The following LRCH3 variants were observed in gnomAD, a reference collection of about 807,000 sequenced individuals.
LRCH3 encodes leucine rich repeats and calponin homology domain containing 3.
In LRCH3, 68 loss-of-function variants were observed where a neutral mutation model predicts 104.5. That is an observed-to-expected ratio of 0.65 (90% CI 0.54 to 0.80). The LOEUF (loss-of-function observed/expected upper bound fraction) is 0.80, where lower values mean the gene tolerates loss of function less well. Among genes scored for constraint, LRCH3 ranks in the 30% least tolerant of loss-of-function variants. LRCH3 has a pLI of 0.00. For missense variants in LRCH3, 951 were observed against 953.9 expected (o/e 1.00, Z 0.04); for synonymous variants, 344 against 361.3 (o/e 0.95, Z 0.54).
chr3:197,855,660 A>G (rs1377908107), intron 14 of LRCH3, among the ~76,000 whole-genome samples: 1 of 152,242 alleles, frequency 6.6e-6, no homozygotes. Context: ...AATAAGTGGT[A>G]TAAGTCTGAG....
chr3:197,796,857 A>G (rs1254574279), intron 1 of LRCH3, among the ~76,000 whole-genome samples: 1 of 152,192 alleles, frequency 6.6e-6, no homozygotes, highest in Non-Finnish European at 1.5e-5. Flanking sequence ...GGTTTGCCCA[A>G]TATCTTTGAA....
chr3:197,865,179 G>A (rs1345251287), intron 15 of LRCH3, among the ~76,000 whole-genome samples: 1 of 152,122 alleles, frequency 6.6e-6, no homozygotes, highest in African/African-American at 2.4e-5. Context: ...TGTAGAGACA[G>A]GGTCTCACTA....
At chr3:197,799,816 T>C (rs373397592) in intron 1 of LRCH3, among the ~76,000 whole-genome samples, 2 of 149,634 alleles carry the variant, frequency 1.3e-5, no homozygotes, top group Non-Finnish European at 1.5e-5. Flanking sequence ...GAAGTTGCAG[T>C]GAGCCGAGAT....
Position 197,817,329 on chromosome 3 carries a change from CAT to C in LRCH3, c.534+28_534+29del, listed in dbSNP as rs779678253. 7.6e-5 allele frequency: 99 copies of C among 1,295,994 alleles called. 6 individuals carry two copies. Among genetic ancestry groups the C allele is most frequent in the African/African-American group, 6.2e-4 (35 of 56,596 alleles). 80.3% of individuals were successfully genotyped at this position (1,295,994 alleles called of 1,614,324 possible). ...TAAGTTAATATTTTTGATTGTCCAA[CAT>C]GTGTGTGTGTGTGTCTGTGTGTGTG... On this transcript the variant is annotated intron_variant, in intron 3 of 20. Coordinates refer to ENST00000425562, the MANE Select transcript of LRCH3 (RefSeq NM_001365715.1).
rs986250764 is a variant in LRCH3, at chr3:197,884,804, G to C, written c.*1138G>C. On this transcript the variant is annotated 3_prime_UTR_variant, in exon 21 of 21. Coordinates refer to ENST00000425562, the MANE Select transcript of LRCH3 (RefSeq NM_001365715.1). ...TAGTCTTCTTTTTTTTAAGAGTTGG[G>C]GTCTTGCCGTATTGCCCAGGCTGGT... is the stretch of plus-strand genomic sequence containing the variant. 2 of 151,884 alleles carry C rather than the reference G, an allele frequency of 1.3e-5. No individual in the cohort carries two copies. Among genetic ancestry groups the C allele is most frequent in the African/African-American group, 4.8e-5 (2 of 41,330 alleles). The allele number at this position is 151,884 out of a possible 1,614,324, so 9.4% of individuals were successfully genotyped here. A position where few individuals can be genotyped will look rare whatever the true frequency, so the allele number is the denominator to read the frequency against.
intron 15 of LRCH3, 88 bp downstream of exon 15, chr3:197,858,993 CTG>C: frequency 2.2e-6 from 2 of 919,124 alleles, no homozygotes; most frequent in South Asian, 2.6e-5. Flanking sequence ...ATCTAACAAT[CTG>C]AAATATAGGA....
Position 197,808,466 on chromosome 3 carries a change from CT to C in LRCH3, c.263-6440del, listed in dbSNP as rs1280972757. On this transcript the variant is annotated intron_variant, in intron 1 of 20. Coordinates refer to ENST00000425562, the MANE Select transcript of LRCH3 (RefSeq NM_001365715.1). Reference sequence around the variant, plus strand: ...CACCACTTACTTTCTATTTAGAGAACTTCCATTACTCATTCTTTTAGATTAC... The same window carrying C: ...CACCACTTACTTTCTATTTAGAGAACTCCATTACTCATTCTTTTAGATTAC... Among the ~76,000 whole-genome samples, 7 of 152,310 alleles carry C rather than the reference CT, an allele frequency of 4.6e-5. No homozygotes were observed. In the East Asian group the frequency reaches 1.4e-3, roughly 29 times the overall value.
At chr3:197,852,006 A>G (rs1016274893) in intron 12 of LRCH3, among the ~76,000 whole-genome samples, 11 of 152,204 alleles carry the variant, frequency 7.2e-5, no homozygotes, top group African/African-American at 2.7e-4. Flanking sequence ...CTAAATGAAT[A>G]TGATGATGAT....
At position 197,854,921 on chromosome 3, in the gene LRCH3, T is replaced by C. The variant is rs1740052956; in HGVS notation, c.1644+476T>C. Among the ~76,000 whole-genome samples the C allele has an allele frequency of 6.6e-6, 1 of 152,234 alleles. No homozygotes were observed. Among genetic ancestry groups the C allele is most frequent in the African/African-American group, 2.4e-5 (1 of 41,462 alleles). On this transcript the variant is annotated intron_variant, in intron 14 of 20. Coordinates refer to ENST00000425562, the MANE Select transcript of LRCH3 (RefSeq NM_001365715.1). The surrounding 1 kb of genome is among the most constrained non-coding windows in gnomAD (Gnocchi z 4.5). Reference sequence around the variant, plus strand: ...CTTACAGCTCAAGATTATTCCTTCATGTTCACTTTTTAAACCCAAGGAAAC... The same window carrying C: ...CTTACAGCTCAAGATTATTCCTTCACGTTCACTTTTTAAACCCAAGGAAAC...
rs773453040 is a variant in LRCH3 at position 197,832,159 on chromosome 3, A to G, written c.982-38A>G. 96 of 1,591,368 alleles carry G rather than the reference A, an allele frequency of 6.0e-5. 1 individual carries two copies. In the South Asian group the frequency reaches 1.0e-3, roughly 17 times the overall value. On this transcript the variant is annotated intron_variant, in intron 7 of 20. Transcript: ENST00000425562. ...TTACAGGCATGATCTGCCAGGCTCT[A>G]AAATGATTGTTTTTAATGTTTCTGC...
intron 4 of LRCH3, among the ~76,000 whole-genome samples, chr3:197,820,693 C>A (rs536622857): frequency 6.6e-6 from 1 of 152,268 alleles, no homozygotes; most frequent in Admixed American, 6.5e-5. Flanking sequence ...CTTGTAGTCC[C>A]AGCTACTCAG....
chr3:197,843,397 C>T (rs1738115684), intron 10 of LRCH3, among the ~76,000 whole-genome samples: 1 of 151,968 alleles, frequency 6.6e-6, no homozygotes, highest in Non-Finnish European at 1.5e-5. Context: ...GTAATCCCAG[C>T]ACTATACTGG....
intron 1 of LRCH3, among the ~76,000 whole-genome samples, chr3:197,805,530 C>T (rs1174260281): frequency 2.0e-5 from 3 of 150,098 alleles, no homozygotes; most frequent in Admixed American, 2.0e-4. Flanking sequence ...ATATACTCCT[C>T]TGATTATTGG....
intron 14 of LRCH3, among the ~76,000 whole-genome samples, chr3:197,855,448 C>A (rs1740123348): frequency 6.6e-6 from 1 of 152,216 alleles, no homozygotes; most frequent in African/African-American, 2.4e-5. Flanking sequence ...TTACTCCTCG[C>A]AGCAACCTTA....
chr3:197,837,294 A>T lies in LRCH3; in HGVS notation c.1251+1472A>T, dbSNP rs73089350. Among the ~76,000 whole-genome samples, 1,126 of 152,332 alleles carry T rather than the reference A, an allele frequency of 7.4e-3. 12 individuals are homozygous for T. The highest frequency in any genetic ancestry group is 0.025 in the African/African-American group (1,054 of 41,574). ...CATGTTATGGTTACTTAGGCTGTAT[A>T]AATGGAGTATCTCTACTAAAAGTGA... On this transcript the variant is annotated intron_variant, in intron 9 of 20. Coordinates refer to ENST00000425562, the MANE Select transcript of LRCH3 (RefSeq NM_001365715.1).
At chr3:197,882,838 C>G (rs1713903874) in intron 20 of LRCH3, 1 of 985,266 alleles carries the variant, frequency 1.0e-6, no homozygotes, top group Non-Finnish European at 1.2e-6. Flanking sequence ...TAGTAGTTCC[C>G]TGGAATAATT....
chr3:197,805,501 G>A (rs1238426745), intron 1 of LRCH3, among the ~76,000 whole-genome samples: 3 of 151,502 alleles, frequency 2.0e-5, no homozygotes, highest in African/African-American at 7.3e-5. Flanking sequence ...AGATCTCTAG[G>A]CATCTCCCTG....
intron 4 of LRCH3, among the ~76,000 whole-genome samples, chr3:197,823,878 G>A: frequency 6.6e-6 from 1 of 152,108 alleles, no homozygotes. Flanking sequence ...TGATAGATGA[G>A]GATTTAGTTT....
At chr3:197,833,365 GAAAAAA>G (rs71166710) in intron 8 of LRCH3, among the ~76,000 whole-genome samples, 3 of 33,338 alleles carry the variant, frequency 9.0e-5, no homozygotes, top group African/African-American at 2.8e-4. Context: ...ACTAAAAACC[GAAAAAA>G]AAAAAAAAAA....
Sources: gnomAD v4.1 joint callset for allele counts (sites outside exome capture counted in the v4.1 genomes callset) on GRCh38, gnomAD v4.1.1 for gene constraint, Gnocchi (gnomAD v3.1) non-coding constraint, MANE v1.5 for transcripts, NCBI Gene and HGNC (gene_info 2026-07-23, HGNC 2026-07-21) for gene names.